Variants in ZNF652 observed in about 807,000 individuals in gnomAD.
ZNF652 encodes the protein zinc finger protein 652.
A neutral mutation model predicts 45.2 loss-of-function variants in ZNF652; 16 were observed. The ratio of observed to expected loss-of-function variants is 0.35; its 90% confidence interval spans 0.24 to 0.54. ZNF652 has a LOEUF of 0.54. Ranked by LOEUF, ZNF652 falls within the 20% of genes least tolerant of loss-of-function variation. ZNF652 has a pLI of 0.91. For synonymous variants in ZNF652, 250 were observed against 260.6 expected, an observed-to-expected ratio of 0.96 and a Z score of 0.39; for missense variants, 614 against 765.6, an observed-to-expected ratio of 0.80 and a Z score of 2.34.
At chr17:49,299,016 A>AGAG in intron 5 of ZNF652, 92 bp from the exon 6 acceptor site, 1 of 1,340,834 alleles carries the variant, frequency 7.5e-7, no homozygotes, top group Non-Finnish European at 1.0e-6. Context: ...GGGTCTCACT[A>AGAG]TGTTGATCAG....
At chr17:49,309,711 C>T (rs2069683088) in intron 5 of ZNF652, among the ~76,000 whole-genome samples, 1 of 152,152 alleles carries the variant, frequency 6.6e-6, no homozygotes, top group South Asian at 2.1e-4. Context: ...GCTATATCTT[C>T]AAAGTTATCA....
chr17:49,348,742 A>C (rs540716041), intron 1 of ZNF652, among the ~76,000 whole-genome samples: 1 of 152,248 alleles, frequency 6.6e-6, no homozygotes, highest in African/African-American at 2.4e-5. Context: ...GAGTTGCTTT[A>C]AAATGAGAGG....
rs528000658 is a variant in ZNF652, at chr17:49,347,748, T to G, written c.-259+14161A>C. Among the ~76,000 whole-genome samples the G allele has an allele frequency of 6.7e-3, 952 of 142,500 alleles. 5 individuals carry two copies. Among genetic ancestry groups the G allele is most frequent in the Non-Finnish European group, 0.012 (763 of 64,930 alleles). The allele number at this position is 142,500 out of a possible 152,430, so 93.5% of individuals were successfully genotyped here. Reference sequence around the variant, plus strand: ...AATTGAACCTTGGTTTTGTTTTTTTTTTTTTTTTTTTTTTTGAGACACAGT... The same window carrying G: ...AATTGAACCTTGGTTTTGTTTTTTTGTTTTTTTTTTTTTTTGAGACACAGT... On this transcript the variant is annotated intron_variant, in intron 1 of 5. Transcript: ENST00000430262.
intron 5 of ZNF652, among the ~76,000 whole-genome samples, chr17:49,301,753 G>A (rs938400364): frequency 1.8e-4 from 28 of 152,018 alleles, no homozygotes; most frequent in African/African-American, 6.8e-4. Flanking sequence ...CTGGCAGGGT[G>A]TGTTGTTTCA....
chr17:49,308,009 T>C (rs897026209), intron 5 of ZNF652, among the ~76,000 whole-genome samples: 3 of 152,100 alleles, frequency 2.0e-5, no homozygotes, highest in African/African-American at 4.8e-5. Flanking sequence ...CATGAACACA[T>C]AAACACTTAT....
chr17:49,358,400 C>A (rs959737686), intron 1 of ZNF652, among the ~76,000 whole-genome samples: 12 of 152,182 alleles, frequency 7.9e-5, no homozygotes, highest in African/African-American at 2.9e-4. Context: ...GACTTCACAA[C>A]AAGGAGGTGT....
intron 2 of ZNF652, among the ~76,000 whole-genome samples, chr17:49,315,607 C>T (rs979613117): frequency 1.3e-5 from 2 of 151,386 alleles, no homozygotes; most frequent in Non-Finnish European, 2.9e-5. Context: ...ATCAAGAACG[C>T]TTTCAGTAAT....
chr17:49,315,574 A>G (rs62076403), intron 2 of ZNF652, among the ~76,000 whole-genome samples: 4 of 143,290 alleles, frequency 2.8e-5, no homozygotes, highest in Non-Finnish European at 6.1e-5. Context: ...AAAAAAAAAA[A>G]CCCACAAAAC....
rs1407211109 is a variant in ZNF652 at position 49,293,256 on chromosome 17, A to G, written c.*5157T>C. Among the ~76,000 whole-genome samples the G allele has an allele frequency of 6.6e-6, 1 of 152,210 alleles. No individual in the cohort carries two copies. The highest frequency in any genetic ancestry group is 2.4e-5 in the African/African-American group (1 of 41,458). ...ATATGTATGTCTGCAAAGTATTCTG[A>G]CTTAAGTAAAGAATTTGATAAATGG... On this transcript the variant is annotated 3_prime_UTR_variant, in exon 6 of 6. Coordinates refer to ENST00000430262, the MANE Select transcript of ZNF652 (RefSeq NM_001145365.3).
intron 5 of ZNF652, among the ~76,000 whole-genome samples, chr17:49,306,763 AT>A (rs2069634828): frequency 6.6e-6 from 1 of 151,982 alleles, no homozygotes; most frequent in African/African-American, 2.4e-5. Flanking sequence ...TATTGTAGCT[AT>A]TTTTTTGAGA....
intron 1 of ZNF652, among the ~76,000 whole-genome samples, chr17:49,342,561 G>C (rs1367813716): frequency 1.4e-5 from 2 of 139,806 alleles, no homozygotes; most frequent in African/African-American, 5.3e-5. Context: ...TAAAGGGGGG[G>C]GGGGGGGGGG....
rs895404552 is a variant in ZNF652 at position 49,293,180 on chromosome 17, T to C, written c.*5233A>G. ...AGAAAGCCACCTTGTAAGTAGTTTCTTACTACAATACAGATTCTATCTAGT... is the reference window on the plus strand; with the variant it reads ...AGAAAGCCACCTTGTAAGTAGTTTCCTACTACAATACAGATTCTATCTAGT... On this transcript the variant is annotated 3_prime_UTR_variant, in exon 6 of 6. Transcript: ENST00000430262. 3.5e-4 allele frequency among the ~76,000 whole-genome samples: 54 copies of C among 152,224 alleles called. 1 individual carries two copies. Among genetic ancestry groups the C allele is most frequent in the Admixed American group, 1.1e-3 (17 of 15,282 alleles).
At chr17:49,355,265 T>A (rs991701702) in intron 1 of ZNF652, among the ~76,000 whole-genome samples, 1 of 152,192 alleles carries the variant, frequency 6.6e-6, no homozygotes, top group African/African-American at 2.4e-5. Context: ...GATTGTGATT[T>A]CAATATTATG....
rs1226195285 is a variant in ZNF652 at position 49,296,751 on chromosome 17, T to C, written c.*1662A>G. On this transcript the variant is annotated 3_prime_UTR_variant, in exon 6 of 6. Coordinates refer to ENST00000430262, the MANE Select transcript of ZNF652 (RefSeq NM_001145365.3). ...AAGACCTTGTCTCTTAAAAAAAAAATTGGAGAGGGGGTGGGAGGTAAGTGA... is the reference window on the plus strand; with the variant it reads ...AAGACCTTGTCTCTTAAAAAAAAAACTGGAGAGGGGGTGGGAGGTAAGTGA... 1 of 151,604 alleles carries C rather than the reference T, an allele frequency of 6.6e-6. No individual in the cohort carries two copies. Among genetic ancestry groups the C allele is most frequent in the Non-Finnish European group, 1.5e-5 (1 of 67,904 alleles). 9.4% of individuals were successfully genotyped at this position (151,604 alleles called of 1,614,324 possible). A position where few individuals can be genotyped will look rare whatever the true frequency, so the allele number is the denominator to read the frequency against.
chr17:49,308,350 G>C (rs2069661159), intron 5 of ZNF652, among the ~76,000 whole-genome samples: 1 of 151,872 alleles, frequency 6.6e-6, no homozygotes, highest in Admixed American at 6.6e-5. Context: ...CCTAACTTTT[G>C]TATTTTTGCA....
intron 5 of ZNF652, among the ~76,000 whole-genome samples, chr17:49,310,563 G>A (rs1297824330): frequency 6.6e-6 from 1 of 152,174 alleles, no homozygotes; most frequent in East Asian, 1.9e-4. Context: ...ATGTGTTCCT[G>A]AAAAGTAGTG....
intron 2 of ZNF652, among the ~76,000 whole-genome samples, chr17:49,315,344 GT>G (rs2069786997): frequency 6.6e-6 from 1 of 151,970 alleles, no homozygotes; most frequent in African/African-American, 2.4e-5. Context: ...CCCGGTCTGG[GT>G]TTTAGTTTTT....
chr17:49,312,701 C>T lies in ZNF652; in HGVS notation c.1045G>A (p.Val349Ile), dbSNP rs1483781833. ...AGAGAAAAGCAGAAAAACTTACCAA[C>T]CATGTGTTTCCGCACATGAGCCATG... Reference protein sequence around the residue: ...YTMAHVRKHMVAHTKDMPFTC... With the variant: ...YTMAHVRKHMIAHTKDMPFTC... The change falls in exon 3 of 6, where the codon GTT becomes ATT. Residue 349 changes from valine to isoleucine, a missense_variant. Val to Ile is a conservative substitution (Grantham distance 29). This residue lies in a region of ZNF652 where 262 missense variants were observed against 306.3 expected (regional missense o/e 0.86). Transcript: ENST00000430262. The T allele has an allele frequency of 1.1e-5, 17 of 1,612,748 alleles. No individual in the cohort carries two copies. The highest frequency in any genetic ancestry group is 1.4e-5 in the Non-Finnish European group (16 of 1,179,576).
At chr17:49,324,835 G>A (rs1387741829) in intron 1 of ZNF652, among the ~76,000 whole-genome samples, 2 of 150,326 alleles carry the variant, frequency 1.3e-5, no homozygotes, top group Non-Finnish European at 3.0e-5. Flanking sequence ...CCACCTCCTG[G>A]GTTCAAGCAT....
Sources: gnomAD v4.1 joint callset for allele counts (sites outside exome capture counted in the v4.1 genomes callset) on GRCh38, gnomAD v4.1.1 for gene constraint, gnomAD v4.1.1 regional missense constraint, MANE v1.5 for transcripts, NCBI Gene and HGNC (gene_info 2026-07-23, HGNC 2026-07-21) for gene names.